Variants in VPS35L observed in about 807,000 individuals in gnomAD.
VPS35L encodes the protein VPS35 endosomal protein-sorting factor-like.
In VPS35L, 83 loss-of-function variants were observed where a neutral mutation model predicts 133.0. The ratio of observed to expected loss-of-function variants is 0.62; its 90% CI spans 0.52 to 0.75. The LOEUF is 0.75. VPS35L is among the 30% of genes least tolerant of loss of function. The pLI is 0.00. For missense variants in VPS35L, 1,083 were observed against 1,206.8 expected, an observed-to-expected ratio of 0.90 and a Z score of 1.52; for synonymous variants, 423 against 449.9, an observed-to-expected ratio of 0.94 and a Z score of 0.76.
chr16:19,592,948 A>C (rs1279400170), intron 8 of VPS35L, among the ~76,000 whole-genome samples: 1 of 152,028 alleles, frequency 6.6e-6, no homozygotes, highest in East Asian at 1.9e-4. Flanking sequence ...GGCCTCCCTA[A>C]GTGCTAGGAT....
At chr16:19,562,122 T>C (rs1971048540) in intron 1 of VPS35L, among the ~76,000 whole-genome samples, 1 of 151,958 alleles carries the variant, frequency 6.6e-6, no homozygotes, top group Non-Finnish European at 1.5e-5. Flanking sequence ...AAAAATATTA[T>C]TCATGGTGCT....
intron 14 of VPS35L, chr16:19,617,641 AT>A (rs545930037): frequency 9.9e-5 from 15 of 152,118 alleles, no homozygotes; most frequent in African/African-American, 3.4e-4. Context: ...GCAGACACAT[AT>A]TTTCTTTCTT....
chr16:19,677,019 C>G (rs1268932602), intron 27 of VPS35L, among the ~76,000 whole-genome samples: 5 of 151,860 alleles, frequency 3.3e-5, no homozygotes, highest in Admixed American at 2.6e-4. Context: ...CGAGACCAGC[C>G]TGGGCAACAT....
At position 19,581,513 on chromosome 16, in the gene VPS35L, T is replaced by C; in HGVS notation, c.511-12T>C. 6.4e-7 allele frequency: 1 copy of C among 1,573,834 alleles called. No individual in the cohort carries two copies. Among genetic ancestry groups the C allele is most frequent in the African/African-American group, 1.4e-5 (1 of 73,662 alleles). Reference sequence around the variant, plus strand: ...TCCTGCTATGCCTTCACCTTCTGCCTTCTCCCCACAGGGTTCCCAAAAGGA... The same window carrying C: ...TCCTGCTATGCCTTCACCTTCTGCCCTCTCCCCACAGGGTTCCCAAAAGGA... On this transcript the variant is annotated splice_polypyrimidine_tract_variant and intron_variant, in intron 6 of 30. Coordinates refer to ENST00000417362, the MANE Select transcript of VPS35L (RefSeq NM_020314.7).
chr16:19,588,663 T>C (rs979495290), intron 7 of VPS35L, among the ~76,000 whole-genome samples: 17 of 152,206 alleles, frequency 1.1e-4, no homozygotes, highest in African/African-American at 3.9e-4. Flanking sequence ...ATGAAATCAT[T>C]TTCTGATGCA....
rs73539587 is a variant in VPS35L, at chr16:19,684,674, A to T, written c.2527+2284A>T. On this transcript the variant is annotated intron_variant, in intron 28 of 30. Transcript: ENST00000417362. ...AGGAGATCCAGAAAGACAATGTGAT[A>T]TACTCCAGGGCTTCCGGTAGTTAGT... Among the ~76,000 whole-genome samples, 1,386 of 152,322 alleles carry T rather than the reference A, an allele frequency of 9.1e-3. 15 individuals carry two copies. Among genetic ancestry groups the T allele is most frequent in the African/African-American group, 0.031 (1,306 of 41,570 alleles).
chr16:19,609,663 C>T (rs925891816), intron 11 of VPS35L, among the ~76,000 whole-genome samples: 5 of 152,026 alleles, frequency 3.3e-5, no homozygotes, highest in Non-Finnish European at 7.3e-5. Context: ...CCTTGAAGCC[C>T]GGGAGTGACT....
At position 19,633,237 on chromosome 16, in the gene VPS35L, G is replaced by A. The variant is rs1000782702; in HGVS notation, c.1635+65G>A. On this transcript the variant is annotated intron_variant, in intron 19 of 30. Coordinates refer to ENST00000417362, the MANE Select transcript of VPS35L (RefSeq NM_020314.7). This position sits in a 1 kb window ranked among gnomAD's most constrained non-coding sequence, Gnocchi z 4.1. ...TTTTGTTCTGTTGAATTAAATAGGCGTGTTGTATGGGTCAGGCTATAAAGG... is the reference window on the plus strand; with the variant it reads ...TTTTGTTCTGTTGAATTAAATAGGCATGTTGTATGGGTCAGGCTATAAAGG... 90 of 1,399,360 alleles carry A rather than the reference G, an allele frequency of 6.4e-5. No individual in the cohort carries two copies. In the Admixed American group the frequency reaches 1.2e-3, roughly 19 times the overall value. The allele number at this position is 1,399,360 out of a possible 1,614,324, so 86.7% of individuals were successfully genotyped here.
chr16:19,603,143 C>G lies in VPS35L; in HGVS notation c.784+1420C>G, dbSNP rs552769182. On this transcript the variant is annotated intron_variant, in intron 9 of 30. Transcript: ENST00000417362. ...CTCAACAGGCTTTTAGGATTTTTAG[C>G]TCTTGAAGGCTTTTTAGGTCTTGAA... Among the ~76,000 whole-genome samples the G allele has an allele frequency of 2.6e-5, 4 of 152,256 alleles. No individual in the cohort carries two copies. The South Asian group carries it at 8.3e-4, about 32-fold the overall frequency.
chr16:19,669,619 G>A (rs1182746214), intron 27 of VPS35L, among the ~76,000 whole-genome samples: 2 of 151,548 alleles, frequency 1.3e-5, no homozygotes, highest in Non-Finnish European at 2.9e-5. Flanking sequence ...TTGAGTTCTA[G>A]TGAGGACCCA....
At chr16:19,591,200 A>T (rs185992885) in intron 7 of VPS35L, among the ~76,000 whole-genome samples, 51 of 152,262 alleles carry the variant, frequency 3.3e-4, no homozygotes, top group African/African-American at 1.2e-3. Context: ...TTATGGGGTC[A>T]TTTCTTAGAA....
At chr16:19,661,066 T>TTA (rs67155417) in intron 26 of VPS35L, among the ~76,000 whole-genome samples, 14,514 of 148,320 alleles carry the variant, frequency 0.098, 827 homozygotes, top group Non-Finnish European at 0.14. Flanking sequence ...ATCTATATTC[T>TTA]TATATATATA....
At chr16:19,647,225 T>C (rs1257242862) in intron 23 of VPS35L, among the ~76,000 whole-genome samples, 1 of 152,212 alleles carries the variant, frequency 6.6e-6, no homozygotes, top group African/African-American at 2.4e-5. Context: ...TGTCTGAAAG[T>C]TACCAAGTTA....
chr16:19,563,009 C>T (rs1295619681), intron 1 of VPS35L, among the ~76,000 whole-genome samples: 1 of 152,054 alleles, frequency 6.6e-6, no homozygotes, highest in Non-Finnish European at 1.5e-5. Context: ...AAGCAGTCCA[C>T]CCATCTGTAC....
At chr16:19,688,990 A>G (rs756334397) in intron 28 of VPS35L, among the ~76,000 whole-genome samples, 1 of 152,072 alleles carries the variant, frequency 6.6e-6, no homozygotes. Flanking sequence ...CAGACATGAC[A>G]ACAAAGCAAC....
intron 14 of VPS35L, 131 bp downstream of exon 14, chr16:19,616,939 A>T (rs1427503486): frequency 2.2e-6 from 3 of 1,352,362 alleles, no homozygotes; most frequent in Non-Finnish European, 1.0e-6. Flanking sequence ...CAGCCTTTAT[A>T]GAGGGCTTGC....
At position 19,616,140 on chromosome 16, in the gene VPS35L, C is replaced by G; in HGVS notation, c.1050C>G (p.Leu350=). 6.2e-7 allele frequency: 1 copy of G among 1,613,598 alleles called. No individual in the cohort carries two copies. Among genetic ancestry groups the G allele is most frequent in the Non-Finnish European group, 8.5e-7 (1 of 1,179,674 alleles). The change falls in exon 13 of 31, where the codon CTC becomes CTG. Residue 350 remains leucine, a synonymous_variant. Coordinates refer to ENST00000417362, the MANE Select transcript of VPS35L (RefSeq NM_020314.7). The part of the protein sequence containing the change: ...CRVGMEVAPH[L]KETLNKNFFD... ...TGGGAATGGAAGTGGCCCCACATCTCAAAGAAACCCTAAATAAGAACTTTT... is the reference window on the plus strand; with the variant it reads ...TGGGAATGGAAGTGGCCCCACATCTGAAAGAAACCCTAAATAAGAACTTTT...
Position 19,581,646 on chromosome 16 carries a change from T to C in VPS35L, c.632T>C (p.Val211Ala), listed in dbSNP as rs780796150. ...SDQKVKALKI[V>A]IQCSKLLSDT... ...CAGAAAGTGAAGGCTCTAAAAATAG[T>C]CATCCAGGTTAGCTCTAGTGATCCC... Residue 211 changes from valine to alanine, a missense_variant, in exon 7 of 31, where the codon GTC (valine) becomes GCC (alanine). By Grantham distance (64) the Val-to-Ala change is moderately conservative. Transcript: ENST00000417362. The C allele has an allele frequency of 6.2e-7, 1 of 1,613,868 alleles. No homozygotes were observed. The highest frequency in any genetic ancestry group is 1.1e-5 in the South Asian group (1 of 91,082).
rs1973528587 is a variant in VPS35L, at chr16:19,633,637, A to T, written c.1635+465A>T. Among the ~76,000 whole-genome samples, 3 of 151,772 alleles carry T rather than the reference A, an allele frequency of 2.0e-5. No homozygotes were observed. The highest frequency in any genetic ancestry group is 4.4e-5 in the Non-Finnish European group (3 of 67,970). ...GCTTAAGCATAATTTTTTTATGTGGAAATAAATTTAAGCTTATTGGAAAGT... is the reference window on the plus strand; with the variant it reads ...GCTTAAGCATAATTTTTTTATGTGGTAATAAATTTAAGCTTATTGGAAAGT... On this transcript the variant is annotated intron_variant, in intron 19 of 30. Coordinates refer to ENST00000417362, the MANE Select transcript of VPS35L (RefSeq NM_020314.7). The surrounding 1 kb of genome is among the most constrained non-coding windows in gnomAD (Gnocchi z 4.1).
Sources: gnomAD v4.1 joint callset for allele counts (sites outside exome capture counted in the v4.1 genomes callset) on GRCh38, gnomAD v4.1.1 for gene constraint, Gnocchi (gnomAD v3.1) non-coding constraint, MANE v1.5 for transcripts, NCBI Gene and HGNC (gene_info 2026-07-23, HGNC 2026-07-21) for gene names.